Variants in HS1BP3 observed in about 807,000 individuals in gnomAD.
HS1BP3 encodes the protein HCLS1-binding protein 3.
HS1BP3 carries 32 observed loss-of-function variants against 33.5 expected under a neutral mutation model. The observed-to-expected ratio is 0.95, with a 90% CI of 0.72 to 1.28. The LOEUF is 1.28. Among genes scored for constraint, HS1BP3 ranks in the 50% most tolerant of loss-of-function variants. The probability of loss-of-function intolerance (pLI) is 0.00; values close to 1 mark genes in which losing one functional copy is unlikely to be tolerated. For synonymous variants in HS1BP3, 187 were observed against 209.2 expected (o/e 0.89, Z 0.92); for missense variants, 486 against 502.3 (o/e 0.97, Z 0.31).
intron 4 of HS1BP3, among the ~76,000 whole-genome samples, chr2:20,627,395 A>T (rs1694820977): frequency 6.6e-6 from 1 of 152,240 alleles, no homozygotes; most frequent in African/African-American, 2.4e-5. Flanking sequence ...ATTGACCAGA[A>T]ATCAGAGGGC....
rs752854336 is a variant in HS1BP3 at position 20,640,980 on chromosome 2, C to A, written c.399G>T (p.Glu133Asp). Residue 133 changes from glutamate to aspartate, a missense_variant, in exon 3 of 7, where the codon GAG (glutamate) becomes GAT (aspartate). By Grantham distance (45) the Glu-to-Asp change is conservative (BLOSUM62 2). Coordinates refer to ENST00000304031, the MANE Select transcript of HS1BP3 (RefSeq NM_022460.4). Reference protein sequence around the residue: ...AELAGSPELLEFLGTRSPGAA... With the variant: ...AELAGSPELLDFLGTRSPGAA... The stretch of plus-strand genomic sequence containing the variant: ...GGGCAGAGCCTTGGGTACCTAAGAA[C>A]TCTAGCAGCTCTGGGCTGCCTGCCA... 5.6e-6 allele frequency: 9 copies of A among 1,614,186 alleles called. No individual in the cohort carries two copies. Among genetic ancestry groups the A allele is most frequent in the Non-Finnish European group, 7.6e-6 (9 of 1,180,002 alleles).
intron 4 of HS1BP3, among the ~76,000 whole-genome samples, chr2:20,629,278 G>A (rs1179145056): frequency 3.3e-5 from 5 of 152,050 alleles, no homozygotes; most frequent in South Asian, 2.1e-4. Flanking sequence ...GCTATCACTC[G>A]GGGGCCCCCT....
chr2:20,626,086 T>C (rs1694771732), intron 4 of HS1BP3, among the ~76,000 whole-genome samples: 1 of 151,826 alleles, frequency 6.6e-6, no homozygotes, highest in South Asian at 2.1e-4. Flanking sequence ...TGAGCTCATG[T>C]TGGTAACACG....
chr2:20,588,904 C>T (rs1287861072), downstream of HS1BP3, among the ~76,000 whole-genome samples: 1 of 151,052 alleles, frequency 6.6e-6, no homozygotes, highest in Non-Finnish European at 1.5e-5. Context: ...GCCTGATTTC[C>T]CCGGGGGAGG....
intron 2 of HS1BP3, among the ~76,000 whole-genome samples, chr2:20,601,821 C>T (rs1572324837): frequency 7.8e-6 from 1 of 127,924 alleles, no homozygotes; most frequent in African/African-American, 2.8e-5. Context: ...CTCTGTTGCC[C>T]AGGCTGGAGT....
chr2:20,631,473 C>T (rs1572350630), intron 4 of HS1BP3, among the ~76,000 whole-genome samples: 2 of 127,792 alleles, frequency 1.6e-5, no homozygotes, highest in Admixed American at 9.5e-5. Flanking sequence ...TGAGATCACA[C>T]ACCACTATAC....
chr2:20,642,652 G>C (rs1006883314), intron 2 of HS1BP3, among the ~76,000 whole-genome samples: 2 of 152,218 alleles, frequency 1.3e-5, no homozygotes, highest in Non-Finnish European at 2.9e-5. Flanking sequence ...CCATCTCCAG[G>C]GCACTGGCAT....
chr2:20,585,154 C>CT (rs1469742172), intron 5 of HS1BP3, among the ~76,000 whole-genome samples: 7 of 152,148 alleles, frequency 4.6e-5, no homozygotes, highest in African/African-American at 1.7e-4. Flanking sequence ...CCTCCTCCCA[C>CT]TCTGTCCAGA....
At chr2:20,629,534 T>C (rs1004609381) in intron 4 of HS1BP3, among the ~76,000 whole-genome samples, 1 of 152,254 alleles carries the variant, frequency 6.6e-6, no homozygotes, top group Non-Finnish European at 1.5e-5. Flanking sequence ...AAGAGAGGTC[T>C]GCAGGGAATA....
chr2:20,622,231 C>T (rs1227202645), intron 6 of HS1BP3: 7 of 1,301,982 alleles, frequency 5.4e-6, no homozygotes, highest in African/African-American at 1.5e-5. Flanking sequence ...CAACTACTCC[C>T]TGGATAGTCA....
Position 20,618,723 on chromosome 2 carries a change from C to A in HS1BP3, c.*264G>T. On this transcript the variant is annotated 3_prime_UTR_variant, in exon 7 of 7. Coordinates refer to ENST00000304031, the MANE Select transcript of HS1BP3 (RefSeq NM_022460.4). ...GGTTGGCAAGGCATCCCCACACCCT[C>A]CCTCCCCTTCATGTCCACGGGGAAT... The A allele has an allele frequency of 1.6e-6, 2 of 1,283,446 alleles. No individual in the cohort carries two copies. Among genetic ancestry groups the A allele is most frequent in the East Asian group, 3.1e-5 (1 of 31,874 alleles). 79.5% of individuals were successfully genotyped at this position (1,283,446 alleles called of 1,614,324 possible).
intron 5 of HS1BP3, among the ~76,000 whole-genome samples, chr2:20,575,154 C>T (rs1302039834): frequency 1.3e-5 from 2 of 152,192 alleles, no homozygotes; most frequent in East Asian, 1.9e-4. Context: ...GTTTGGATTT[C>T]TCTGGAACTT....
chr2:20,613,657 C>T (rs1386523186), downstream of HS1BP3, among the ~76,000 whole-genome samples: 1 of 152,250 alleles, frequency 6.6e-6, no homozygotes, highest in Non-Finnish European at 1.5e-5. Flanking sequence ...CTGGCAGCAG[C>T]TGCAAAGGAC....
chr2:20,647,947 C>T lies in HS1BP3; in HGVS notation c.33-2442G>A, dbSNP rs146683309. On this transcript the variant is annotated intron_variant, in intron 1 of 6. Coordinates refer to ENST00000304031, the MANE Select transcript of HS1BP3 (RefSeq NM_022460.4). Reference sequence around the variant, plus strand: ...TGCTGTGTACTGCTCCAGAGACCATCGGAGAACATCCTAGGCTTCGCTGTC... The same window carrying T: ...TGCTGTGTACTGCTCCAGAGACCATTGGAGAACATCCTAGGCTTCGCTGTC... Among the ~76,000 whole-genome samples the T allele has an allele frequency of 2.5e-4, 38 of 152,326 alleles. No individual in the cohort carries two copies. The East Asian group carries it at 5.0e-3, about 20-fold the overall frequency.
At chr2:20,640,952 A>G (rs1223449194) in intron 3 of HS1BP3, 21 bp downstream of exon 3, 4 of 1,612,642 alleles carry the variant, frequency 2.5e-6, no homozygotes, top group African/African-American at 2.7e-5. Context: ...CCTGAGGGAC[A>G]TGGGGCAGAG....
intron 6 of HS1BP3, among the ~76,000 whole-genome samples, chr2:20,621,445 G>A (rs1694599323): frequency 6.6e-6 from 1 of 152,262 alleles, no homozygotes. Flanking sequence ...AGACAGACCA[G>A]CTGTCTTGGG....
chr2:20,647,288 A>G (rs1695548163), intron 1 of HS1BP3, among the ~76,000 whole-genome samples: 1 of 152,152 alleles, frequency 6.6e-6, no homozygotes, highest in African/African-American at 2.4e-5. Flanking sequence ...CCTTAGGCCC[A>G]GCTCCCCTGA....
intron 5 of HS1BP3, 85 bp from the exon 6 acceptor site, chr2:20,624,116 A>T: frequency 6.7e-7 from 1 of 1,484,386 alleles, no homozygotes; most frequent in Non-Finnish European, 9.1e-7. Context: ...CACCCCAGGA[A>T]GTCTTCTGGG....
intron 2 of HS1BP3, among the ~76,000 whole-genome samples, chr2:20,606,998 T>C (rs1412545020): frequency 1.3e-5 from 2 of 152,068 alleles, no homozygotes; most frequent in African/African-American, 4.8e-5. Flanking sequence ...TGGCCGCTTG[T>C]GCTCTTGGTG....
Sources: allele counts gnomAD v4.1 joint callset (sites outside exome capture counted in the v4.1 genomes callset), GRCh38; gene constraint gnomAD v4.1.1; transcripts MANE v1.5; gene names NCBI Gene and HGNC (gene_info 2026-07-23, HGNC 2026-07-21).